The following SPAG16 variants were observed in gnomAD, a reference collection of about 807,000 sequenced individuals.
The protein encoded by SPAG16 is sperm-associated antigen 16 protein.
SPAG16 carries 86 observed loss-of-function variants against 80.4 expected under a neutral mutation model. That is an observed-to-expected ratio of 1.07 (90% CI 0.90 to 1.28). The LOEUF is 1.28. Ranked by LOEUF, SPAG16 falls within the 50% of genes most tolerant of loss-of-function variation. The pLI, the probability that SPAG16 is intolerant of heterozygous loss-of-function variation, is 0.00. For synonymous variants in SPAG16, 294 were observed against 265.9 expected, an observed-to-expected ratio of 1.11 and a Z score of -1.03; for missense variants, 870 against 765.3, an observed-to-expected ratio of 1.14 and a Z score of -1.61.
intron 10 of SPAG16, among the ~76,000 whole-genome samples, chr2:213,788,134 G>T (rs2070457590): frequency 1.3e-5 from 2 of 151,894 alleles, no homozygotes; most frequent in Admixed American, 1.3e-4. Context: ...CTCATTCTAA[G>T]AAATTTATTG....
intron 15 of SPAG16, among the ~76,000 whole-genome samples, chr2:214,172,948 G>A (rs1210190241): frequency 1.3e-5 from 2 of 151,952 alleles, no homozygotes. Flanking sequence ...GGATGGGGTT[G>A]TTTTTTTCTT....
intron 10 of SPAG16, among the ~76,000 whole-genome samples, chr2:213,767,337 A>G (rs997486353): frequency 1.3e-5 from 2 of 152,122 alleles, no homozygotes; most frequent in African/African-American, 4.8e-5. Flanking sequence ...CTTTTAGAGT[A>G]AGGAATGAAA....
At chr2:214,090,928 A>G (rs2052147373) in intron 13 of SPAG16, among the ~76,000 whole-genome samples, 1 of 152,090 alleles carries the variant, frequency 6.6e-6, no homozygotes, top group Non-Finnish European at 1.5e-5. Flanking sequence ...AAATGAGAAC[A>G]AATAAATGAA....
At chr2:214,044,291 G>C (rs1045566887) in intron 13 of SPAG16, among the ~76,000 whole-genome samples, 1 of 152,084 alleles carries the variant, frequency 6.6e-6, no homozygotes, top group African/African-American at 2.4e-5. Context: ...AAATAATTTT[G>C]AGAAATGCTA....
chr2:213,647,631 G>A (rs921223805), intron 10 of SPAG16, among the ~76,000 whole-genome samples: 7 of 152,036 alleles, frequency 4.6e-5, no homozygotes, highest in Admixed American at 3.3e-4. Context: ...CCCAGCCTCA[G>A]TCATGCAGAG....
intron 13 of SPAG16, among the ~76,000 whole-genome samples, chr2:214,052,673 A>C (rs2049716654): frequency 6.6e-6 from 1 of 152,144 alleles, no homozygotes; most frequent in African/African-American, 2.4e-5. Flanking sequence ...TAAACTGAAA[A>C]ATTTATCTGC....
chr2:213,314,305 G>C (rs1475663488), intron 4 of SPAG16, among the ~76,000 whole-genome samples: 1 of 151,676 alleles, frequency 6.6e-6, no homozygotes, highest in Non-Finnish European at 1.5e-5. Flanking sequence ...TAATAGTTAT[G>C]GCAATCTTTT....
chr2:213,337,327 T>G (rs1337231725), intron 5 of SPAG16, among the ~76,000 whole-genome samples: 3 of 152,138 alleles, frequency 2.0e-5, no homozygotes, highest in East Asian at 3.9e-4. Context: ...TCCAAATGAT[T>G]GCAACATGTC....
intron 12 of SPAG16, among the ~76,000 whole-genome samples, chr2:213,964,109 T>C (rs972868803): frequency 9.9e-5 from 15 of 152,162 alleles, no homozygotes; most frequent in Admixed American, 9.2e-4. Flanking sequence ...AAATTCTGTT[T>C]TTCCACTACA....
At chr2:213,663,597 TC>T (rs1178064841) in intron 10 of SPAG16, among the ~76,000 whole-genome samples, 2 of 152,088 alleles carry the variant, frequency 1.3e-5, no homozygotes, top group Admixed American at 1.3e-4. Context: ...AAAACATCCA[TC>T]CTGTTTGATG....
At chr2:214,397,375 G>A (rs113918445) in intron 15 of SPAG16, among the ~76,000 whole-genome samples, 3 of 152,004 alleles carry the variant, frequency 2.0e-5, no homozygotes, top group African/African-American at 7.2e-5. Context: ...GGCCAGGATG[G>A]TCTCAATCTC....
intron 10 of SPAG16, among the ~76,000 whole-genome samples, chr2:213,690,728 T>C (rs1404158920): frequency 1.3e-5 from 2 of 152,184 alleles, no homozygotes. Context: ...CTTCCCATGT[T>C]ATGCTGGATG....
intron 9 of SPAG16, among the ~76,000 whole-genome samples, chr2:213,412,734 C>T (rs2069048679): frequency 6.6e-6 from 1 of 151,686 alleles, no homozygotes; most frequent in Non-Finnish European, 1.5e-5. Context: ...TTCTATGTCA[C>T]AGGGGCAATG....
intron 13 of SPAG16, among the ~76,000 whole-genome samples, chr2:214,061,769 C>T (rs78956271): frequency 6.6e-6 from 1 of 152,056 alleles, no homozygotes; most frequent in Non-Finnish European, 1.5e-5. Context: ...CAGTATTTTA[C>T]AGTACTCAGA....
chr2:213,935,249 T>A (rs1280201335), intron 12 of SPAG16, among the ~76,000 whole-genome samples: 1 of 151,738 alleles, frequency 6.6e-6, no homozygotes, highest in Non-Finnish European at 1.5e-5. Flanking sequence ...TGAGACATTA[T>A]ATTTCCAGTA....
intron 15 of SPAG16, among the ~76,000 whole-genome samples, chr2:214,354,955 T>C (rs1698675922): frequency 6.6e-6 from 1 of 152,096 alleles, no homozygotes; most frequent in African/African-American, 2.4e-5. Context: ...ACAGGGACAA[T>C]TTGACTTCCT....
chr2:213,560,115 A>G (rs1258631246), intron 10 of SPAG16, among the ~76,000 whole-genome samples: 1 of 152,062 alleles, frequency 6.6e-6, no homozygotes, highest in Non-Finnish European at 1.5e-5. Flanking sequence ...AAACTATATC[A>G]AGTCCATTCT....
At chr2:214,283,838 T>C (rs138596090) in intron 15 of SPAG16, among the ~76,000 whole-genome samples, 41 of 152,202 alleles carry the variant, frequency 2.7e-4, no homozygotes, top group Admixed American at 7.2e-4. Flanking sequence ...GCTCTGCTTA[T>C]TTGTACAATA....
At chr2:214,175,340 T>C (rs1329543856) in intron 15 of SPAG16, among the ~76,000 whole-genome samples, 1 of 130,132 alleles carries the variant, frequency 7.7e-6, no homozygotes, top group African/African-American at 2.6e-5. Context: ...AAGAAATATA[T>C]ATATATGAAT....
Sources: gnomAD v4.1 joint callset for allele counts (sites outside exome capture counted in the v4.1 genomes callset) on GRCh38, gnomAD v4.1.1 for gene constraint, MANE v1.5 for transcripts, NCBI Gene and HGNC (gene_info 2026-07-23, HGNC 2026-07-21) for gene names.